Variants in TAF15 observed in about 807,000 individuals in gnomAD.
The protein encoded by TAF15 is TATA-binding protein-associated factor 2N.
A neutral mutation model predicts 102.5 loss-of-function variants in TAF15; 37 were observed. The observed-to-expected ratio is 0.36, with a 90% CI of 0.28 to 0.47. The LOEUF is 0.47. Ranked by LOEUF, TAF15 falls within the 20% of genes least tolerant of loss-of-function variation. TAF15 has a pLI of 0.99. For missense variants in TAF15, 652 were observed against 760.7 expected (o/e 0.86, Z 1.68); for synonymous variants, 273 against 259.2 (o/e 1.05, Z -0.51).
At chr17:35,839,095 C>G (rs1170984054) in intron 11 of TAF15, among the ~76,000 whole-genome samples, 1 of 149,974 alleles carries the variant, frequency 6.7e-6, no homozygotes, top group African/African-American at 2.5e-5. Context: ...GAGCTTGCCT[C>G]TACTAAAACA....
rs897322463 is a variant in TAF15 at position 35,846,696 on chromosome 17, G to A, written c.1740-210G>A. Among the ~76,000 whole-genome samples, 7 of 152,198 alleles carry A rather than the reference G, an allele frequency of 4.6e-5. No individual in the cohort carries two copies. In the South Asian group the frequency reaches 6.2e-4, roughly 13 times the overall value. Reference sequence around the variant, plus strand: ...AGTGGAAAATTTTTAAGAGAGTGAAGCAAAGCTTCTTCTAGGAACTTTGTG... The same window carrying A: ...AGTGGAAAATTTTTAAGAGAGTGAAACAAAGCTTCTTCTAGGAACTTTGTG... On this transcript the variant is annotated intron_variant, in intron 15 of 15. Coordinates refer to ENST00000605844, the MANE Select transcript of TAF15 (RefSeq NM_139215.3).
chr17:35,813,181 GAATC>G (rs1366893353), intron 1 of TAF15, among the ~76,000 whole-genome samples: 1 of 143,842 alleles, frequency 7.0e-6, no homozygotes, highest in Non-Finnish European at 1.5e-5. Context: ...ATTTGAAAAA[GAATC>G]AAGTAAAACG....
At chr17:35,837,145 TTTG>T (rs1316869172) in intron 10 of TAF15, among the ~76,000 whole-genome samples, 1 of 151,946 alleles carries the variant, frequency 6.6e-6, no homozygotes, top group Admixed American at 6.6e-5. Context: ...AATATGTAAT[TTTG>T]TTGTTGTCGT....
At chr17:35,826,477 G>A (rs188069778) in intron 7 of TAF15, among the ~76,000 whole-genome samples, 17 of 152,000 alleles carry the variant, frequency 1.1e-4, no homozygotes, top group South Asian at 2.1e-4. Flanking sequence ...CAGAGCAGCC[G>A]TAATTAATAT....
intron 1 of TAF15, among the ~76,000 whole-genome samples, chr17:35,811,755 T>TA (rs2087126667): frequency 6.6e-6 from 1 of 152,260 alleles, no homozygotes; most frequent in Non-Finnish European, 1.5e-5. Flanking sequence ...AACATTCAAA[T>TA]ACTGTTTACA....
chr17:35,845,422 T>C (rs2087612276), intron 15 of TAF15, among the ~76,000 whole-genome samples: 1 of 152,034 alleles, frequency 6.6e-6, no homozygotes, highest in South Asian at 2.1e-4. Context: ...ACCTCGCCAA[T>C]TTTTTTTATT....
At chr17:35,842,185 T>A (rs909179489) in intron 11 of TAF15, among the ~76,000 whole-genome samples, 182 bp from the exon 12 acceptor site, 1 of 152,190 alleles carries the variant, frequency 6.6e-6, no homozygotes, top group Non-Finnish European at 1.5e-5. Flanking sequence ...CAGTGACAGA[T>A]ATGCTCTTTT....
At chr17:35,809,921 G>A in intron 1 of TAF15, 1 of 489,490 alleles carries the variant, frequency 2.0e-6, no homozygotes, top group Non-Finnish European at 3.7e-6. Flanking sequence ...TAGAGCATCA[G>A]CCTGAGAGAA....
intron 1 of TAF15, among the ~76,000 whole-genome samples, chr17:35,815,242 C>G (rs2087181509): frequency 6.6e-6 from 1 of 152,156 alleles, no homozygotes; most frequent in East Asian, 1.9e-4. Context: ...CTTGGAAATT[C>G]AAAAGCACTT....
chr17:35,811,289 TA>T (rs1352917427), intron 1 of TAF15: 2 of 152,352 alleles, frequency 1.3e-5, no homozygotes, highest in Admixed American at 6.5e-5. Context: ...TAAGCTGGCT[TA>T]ATCATTAGTA....
intron 1 of TAF15, among the ~76,000 whole-genome samples, chr17:35,812,513 A>C (rs1331504941): frequency 2.2e-5 from 3 of 136,544 alleles, no homozygotes; most frequent in Non-Finnish European, 4.6e-5. Context: ...TGAACCTGGG[A>C]GGCGGAGGTT....
chr17:35,831,431 C>G (rs1296899642), intron 7 of TAF15, among the ~76,000 whole-genome samples: 9 of 151,152 alleles, frequency 6.0e-5, no homozygotes, highest in Non-Finnish European at 1.2e-4. Flanking sequence ...AGATGATGTT[C>G]AAATGTATTA....
chr17:35,835,103 G>A (rs913821290), intron 9 of TAF15, among the ~76,000 whole-genome samples: 2 of 152,118 alleles, frequency 1.3e-5, no homozygotes, highest in Admixed American at 1.3e-4. Flanking sequence ...GGGACAGTTT[G>A]CTGGGGAAAA....
chr17:35,840,870 A>G (rs1312635614), intron 11 of TAF15, among the ~76,000 whole-genome samples: 1 of 152,092 alleles, frequency 6.6e-6, no homozygotes. Flanking sequence ...CGTCAAAAAA[A>G]AAAATGAAAT....
Position 35,828,934 on chromosome 17 carries a change from G to T in TAF15, c.605+4736G>T, listed in dbSNP as rs939993972. On this transcript the variant is annotated intron_variant, in intron 7 of 15. Transcript: ENST00000605844. ...TAGGTAGTGGATACTGTATTGGACA[G>T]TGCAGCTCTAGAATGATAGATTCTT... Among the ~76,000 whole-genome samples, 7 of 152,304 alleles carry T rather than the reference G, an allele frequency of 4.6e-5. No homozygotes were observed. The East Asian group carries it at 1.4e-3, about 29-fold the overall frequency.
Position 35,820,434 on chromosome 17 carries a change from G to T in TAF15, c.287G>T (p.Gly96Val). Reference sequence around the variant, plus strand: ...CAGCAGCAAAACATGGAATCATCAGGAAGGTAAGGAAATAGTAAAATACTG... The same window carrying T: ...CAGCAGCAAAACATGGAATCATCAGTAAGGTAAGGAAATAGTAAAATACTG... Reference protein sequence around the residue: ...QGQQQNMESSGSQGGRAPSYD... With the variant: ...QGQQQNMESSVSQGGRAPSYD... The change falls in exon 5 of 16, where the codon GGA (glycine) becomes GTA (valine). Residue 96 changes from glycine to valine, a missense_variant. Gly to Val is a moderately radical substitution (Grantham distance 109). Around this residue, in one of 3 missense-constraint regions of TAF15, gnomAD observed 243 missense variants for 284.1 expected, o/e 0.86. Transcript: ENST00000605844. 6.2e-7 allele frequency: 1 copy of T among 1,613,060 alleles called. No individual in the cohort carries two copies. Among genetic ancestry groups the T allele is most frequent in the South Asian group, 1.1e-5 (1 of 91,066 alleles).
At chr17:35,835,687 G>C (rs868556005) in intron 9 of TAF15, among the ~76,000 whole-genome samples, 3 of 152,390 alleles carry the variant, frequency 2.0e-5, no homozygotes, top group African/African-American at 4.8e-5. Flanking sequence ...TGGGAAACCA[G>C]CAGTTCTGCT....
At chr17:35,812,170 G>T (rs969265552) in intron 1 of TAF15, among the ~76,000 whole-genome samples, 3 of 152,124 alleles carry the variant, frequency 2.0e-5, no homozygotes, top group Non-Finnish European at 4.4e-5. Flanking sequence ...GTGAAGGAAT[G>T]AACTGGAAAA....
intron 7 of TAF15, among the ~76,000 whole-genome samples, chr17:35,828,756 C>A (rs1272212735): frequency 6.7e-6 from 1 of 150,272 alleles, no homozygotes; most frequent in Non-Finnish European, 1.5e-5. Context: ...TCCCCCTCCG[C>A]CCCATACCTC....
Sources: gnomAD v4.1 joint callset for allele counts (sites outside exome capture counted in the v4.1 genomes callset) on GRCh38, gnomAD v4.1.1 for gene constraint, gnomAD v4.1.1 regional missense constraint, MANE v1.5 for transcripts, NCBI Gene and HGNC (gene_info 2026-07-23, HGNC 2026-07-21) for gene names.